PCBP3: variants seen among roughly 807,000 people sequenced by gnomAD.
PCBP3 encodes poly(rC)-binding protein 3.
Under a neutral mutation model 52.7 loss-of-function variants are expected in PCBP3, and 25 were observed. The observed-to-expected ratio is 0.47, with a 90% confidence interval of 0.35 to 0.66. The LOEUF is 0.66. Ranked by LOEUF, PCBP3 falls within the 30% of genes least tolerant of loss-of-function variation. The probability of loss-of-function intolerance (pLI) is 0.01; values close to 1 mark genes in which losing one functional copy is unlikely to be tolerated. For missense variants in PCBP3, 391 were observed against 490.3 expected (o/e 0.80, Z 1.91); for synonymous variants, 162 against 183.0 (o/e 0.89, Z 0.93).
At chr21:45,864,178 T>G (rs1160075994) in intron 5 of PCBP3, among the ~76,000 whole-genome samples, 4 of 152,202 alleles carry the variant, frequency 2.6e-5, no homozygotes, top group Non-Finnish European at 4.4e-5. Context: ...GCCAGACTTT[T>G]CTGTCTGATG....
intron 2 of PCBP3, among the ~76,000 whole-genome samples, chr21:45,711,737 T>G (rs1235830347): frequency 6.6e-6 from 1 of 152,262 alleles, no homozygotes; most frequent in Non-Finnish European, 1.5e-5. Flanking sequence ...TAGATTGTTT[T>G]GTCACTTTCC....
intron 5 of PCBP3, among the ~76,000 whole-genome samples, chr21:45,855,273 TCTGGGAGGCA>T (rs969769170): frequency 4.1e-4 from 63 of 152,274 alleles, no homozygotes; most frequent in Non-Finnish European, 6.9e-4. Flanking sequence ...AATCCTGGGA[TCTGGGAGGCA>T]CAGGGAGGCC....
chr21:45,672,639 C>G (rs927944354), intron 2 of PCBP3, among the ~76,000 whole-genome samples: 12 of 152,020 alleles, frequency 7.9e-5, no homozygotes, highest in African/African-American at 2.9e-4. Context: ...CTCTCCCTAC[C>G]CAGGGTATCT....
At chr21:45,726,661 A>G (rs1265363452) in intron 2 of PCBP3, among the ~76,000 whole-genome samples, 1 of 152,132 alleles carries the variant, frequency 6.6e-6, no homozygotes, top group Non-Finnish European at 1.5e-5. Context: ...CTCCCGCCTG[A>G]GGCCTGCCTG....
chr21:45,930,962 GGGCCAGCCTCA>G lies in PCBP3; in HGVS notation c.856+120_856+130del, dbSNP rs1244645886. The G allele has an allele frequency of 4.2e-6, 6 of 1,418,038 alleles. No homozygotes were observed. The African/African-American group carries it at 8.5e-5, about 20-fold the overall frequency. 87.8% of individuals were successfully genotyped at this position (1,418,038 alleles called of 1,614,324 possible). ...GTTTCCAGCTTCCATGGGAGGCTGT[GGGCCAGCCTCA>G]GGTGCTGCCAAGGGCGTGGGTGGTG... On this transcript the variant is annotated intron_variant, in intron 15 of 17. Coordinates refer to ENST00000681687, the MANE Select transcript of PCBP3 (RefSeq NM_001384156.1).
Position 45,741,610 on chromosome 21 carries a change from T to G in PCBP3, c.-162+6181T>G, listed in dbSNP as rs951310037. ...AAGGGAGGGGTAGGGCCACTGCTTT[T>G]CATAAGCTTTATCGAATTATTTGCT... On this transcript the variant is annotated intron_variant, in intron 3 of 17. Transcript: ENST00000681687. This position sits in a 1 kb window ranked among gnomAD's most constrained non-coding sequence, Gnocchi z 4.5. Among the ~76,000 whole-genome samples the G allele has an allele frequency of 1.3e-5, 2 of 152,204 alleles. No homozygotes were observed. Among genetic ancestry groups the G allele is most frequent in the African/African-American group, 4.8e-5 (2 of 41,454 alleles).
intron 5 of PCBP3, among the ~76,000 whole-genome samples, chr21:45,892,282 A>G (rs1358484427): frequency 1.3e-5 from 2 of 152,184 alleles, no homozygotes; most frequent in Non-Finnish European, 2.9e-5. Context: ...GTCCTTGCTT[A>G]TCAGGACAAA....
At chr21:45,860,659 C>G (rs549996761) in intron 5 of PCBP3, among the ~76,000 whole-genome samples, 19 of 152,322 alleles carry the variant, frequency 1.2e-4, no homozygotes, top group Non-Finnish European at 2.5e-4. Context: ...TGGCCAACAG[C>G]AAAGATCGTG....
chr21:45,784,513 C>A (rs528878651), intron 4 of PCBP3, among the ~76,000 whole-genome samples: 1 of 152,108 alleles, frequency 6.6e-6, no homozygotes, highest in Non-Finnish European at 1.5e-5. Flanking sequence ...GATGCCGAGC[C>A]GAAGCTGGAC....
At position 45,904,175 on chromosome 21, in the gene PCBP3, C is replaced by T. The variant is rs540737973; in HGVS notation, c.339+3062C>T. On this transcript the variant is annotated intron_variant, in intron 9 of 17. Transcript: ENST00000681687. The surrounding 1 kb of genome is among the most constrained non-coding windows in gnomAD (Gnocchi z 4.8). ...TGCTGAGTCCTCTACAGTCATTTGT[C>T]ATCTCTGCCGCAGCAGGGCAGAGTC... is the stretch of plus-strand genomic sequence containing the variant. Among the ~76,000 whole-genome samples the T allele has an allele frequency of 1.3e-5, 2 of 152,302 alleles. No individual in the cohort carries two copies. Among genetic ancestry groups the T allele is most frequent in the Non-Finnish European group, 2.9e-5 (2 of 68,016 alleles).
intron 5 of PCBP3, among the ~76,000 whole-genome samples, chr21:45,881,674 C>G (rs1468210442): frequency 6.6e-6 from 1 of 152,204 alleles, no homozygotes; most frequent in East Asian, 1.9e-4. Context: ...CTGTTTGACT[C>G]CCGTCTAACT....
rs138769352 is a variant in PCBP3 at position 45,741,586 on chromosome 21, A to T, written c.-162+6157A>T. Among the ~76,000 whole-genome samples the T allele has an allele frequency of 1.3e-3, 202 of 152,322 alleles. 2 individuals carry two copies. The highest frequency in any genetic ancestry group is 4.4e-3 in the African/African-American group (182 of 41,562). On this transcript the variant is annotated intron_variant, in intron 3 of 17. Transcript: ENST00000681687. This position sits in a 1 kb window ranked among gnomAD's most constrained non-coding sequence, Gnocchi z 4.5. ...GGGAAGGATTGTGATGTAGGGGGCA[A>T]GGGAGGGGTAGGGCCACTGCTTTTC...
At chr21:45,761,673 T>C (rs762959340) in intron 4 of PCBP3, 1 of 152,456 alleles carries the variant, frequency 6.6e-6, no homozygotes, top group African/African-American at 2.4e-5. Flanking sequence ...GTTTCCAGAA[T>C]GCCTCTTGGC....
Position 45,928,378 on chromosome 21 carries a change from G to T in PCBP3, c.718-1539G>T, listed in dbSNP as rs1360912617. ...CTGCAAGGCCAGGGGTTGGGGAGGG[G>T]CAGGGCTGGGGAGCAGGCCCCCCGA... On this transcript the variant is annotated intron_variant, in intron 13 of 17. Transcript: ENST00000681687. The surrounding 1 kb of genome is among the most constrained non-coding windows in gnomAD (Gnocchi z 4.1). 6.6e-6 allele frequency among the ~76,000 whole-genome samples: 1 copy of T among 152,166 alleles called. No homozygotes were observed. Among genetic ancestry groups the T allele is most frequent in the East Asian group, 1.9e-4 (1 of 5,170 alleles).
At position 45,830,376 on chromosome 21, in the gene PCBP3, CACA is replaced by C. The variant is rs2093416893; in HGVS notation, c.-125-19584_-125-19582del. On this transcript the variant is annotated intron_variant, in intron 4 of 17. Coordinates refer to ENST00000681687, the MANE Select transcript of PCBP3 (RefSeq NM_001384156.1). This position sits in a 1 kb window ranked among gnomAD's most constrained non-coding sequence, Gnocchi z 4.4. ...AGCCCCTCCATGGGAGGATCGTGAA[CACA>C]TAGCCTTTCAGAGGCCTCTATAATG... 6.5e-6 allele frequency: 1 copy of C among 153,022 alleles called. No individual in the cohort carries two copies. Among genetic ancestry groups the C allele is most frequent in the African/African-American group, 2.4e-5 (1 of 41,476 alleles). 9.5% of individuals were successfully genotyped at this position (153,022 alleles called of 1,614,324 possible).
Position 45,880,296 on chromosome 21 carries a change from C to T in PCBP3, c.11-15912C>T, listed in dbSNP as rs1042845991. On this transcript the variant is annotated intron_variant, in intron 5 of 17. Coordinates refer to ENST00000681687, the MANE Select transcript of PCBP3 (RefSeq NM_001384156.1). This position sits in a 1 kb window ranked among gnomAD's most constrained non-coding sequence, Gnocchi z 5.4. ...CCCTGGGCCTCGGAGGGGAGGGGAG[C>T]GCCTGGGGCGCCGCGGTCCTGACCC... 3.3e-5 allele frequency among the ~76,000 whole-genome samples: 5 copies of T among 152,152 alleles called. No individual in the cohort carries two copies. The highest frequency in any genetic ancestry group is 1.9e-4 in the East Asian group (1 of 5,172).
chr21:45,800,798 A>G lies in PCBP3; in HGVS notation c.-126+45346A>G, dbSNP rs555394061. 2.5e-4 allele frequency among the ~76,000 whole-genome samples: 38 copies of G among 152,192 alleles called. No individual in the cohort carries two copies. Among genetic ancestry groups the G allele is most frequent in the Admixed American group, 2.6e-4 (4 of 15,298 alleles). On this transcript the variant is annotated intron_variant, in intron 4 of 17. Coordinates refer to ENST00000681687, the MANE Select transcript of PCBP3 (RefSeq NM_001384156.1). This position sits in a 1 kb window ranked among gnomAD's most constrained non-coding sequence, Gnocchi z 5.3. Reference sequence around the variant, plus strand: ...CTCGTTTGTGTGGCCCTGGTGCCCAATGACTGACTTTCCTTCTGCTCCCAG... The same window carrying G: ...CTCGTTTGTGTGGCCCTGGTGCCCAGTGACTGACTTTCCTTCTGCTCCCAG...
intron 4 of PCBP3, among the ~76,000 whole-genome samples, chr21:45,838,285 A>G (rs1341936316): frequency 2.0e-5 from 3 of 152,160 alleles, no homozygotes; most frequent in Non-Finnish European, 4.4e-5. Context: ...ATGTAACCAC[A>G]TCAGTCTTGG....
intron 4 of PCBP3, chr21:45,836,377 TG>T (rs1482855738): frequency 6.6e-6 from 1 of 152,250 alleles, no homozygotes; most frequent in Non-Finnish European, 1.5e-5. Context: ...GCATCTGGAA[TG>T]GGGTTTGGTG....
Sources: gnomAD v4.1 joint callset for allele counts (sites outside exome capture counted in the v4.1 genomes callset) on GRCh38, gnomAD v4.1.1 for gene constraint, Gnocchi (gnomAD v3.1) non-coding constraint, MANE v1.5 for transcripts, NCBI Gene and HGNC (gene_info 2026-07-23, HGNC 2026-07-21) for gene names.